WFDC9: variants seen among roughly 807,000 people sequenced by gnomAD.
WFDC9 encodes WAP four-disulfide core domain 9.
A neutral mutation model predicts 9.5 loss-of-function variants in WFDC9; 9 were observed. The observed-to-expected ratio is 0.95, with a 90% confidence interval of 0.57 to 1.65. The LOEUF is 1.65. WFDC9 is among the 40% of genes most tolerant of loss of function. The probability of loss-of-function intolerance (pLI) is 0.00; values close to 1 mark genes in which losing one functional copy is unlikely to be tolerated. For missense variants in WFDC9, 87 were observed against 106.7 expected, an observed-to-expected ratio of 0.82 and a Z score of 0.81; for synonymous variants, 33 against 32.3, an observed-to-expected ratio of 1.02 and a Z score of -0.07.
chr20:45,609,193 T>A (rs1266656682), intron 3 of WFDC9, among the ~76,000 whole-genome samples: 2 of 151,622 alleles, frequency 1.3e-5, no homozygotes, highest in Non-Finnish European at 2.9e-5. Flanking sequence ...GAAACTTACT[T>A]TTTTTCCCCT....
intron 3 of WFDC9, 46 bp from the exon 4 acceptor site, chr20:45,608,856 C>A (rs1337516511): frequency 6.4e-7 from 1 of 1,553,626 alleles, no homozygotes; most frequent in Non-Finnish European, 8.7e-7. Flanking sequence ...ACAACTCAGA[C>A]AAGAAACCTT....
intron 1 of WFDC9, among the ~76,000 whole-genome samples, chr20:45,623,553 G>A (rs1982147549): frequency 6.6e-6 from 1 of 151,962 alleles, no homozygotes; most frequent in Non-Finnish European, 1.5e-5. Flanking sequence ...CTTTAACTCA[G>A]GGGGCGGAGG....
intron 2 of WFDC9, among the ~76,000 whole-genome samples, chr20:45,613,547 C>T (rs1481482515): frequency 6.6e-6 from 1 of 152,180 alleles, no homozygotes; most frequent in Non-Finnish European, 1.5e-5. Flanking sequence ...AAAGCAGCAA[C>T]ATCTTAGCTT....
chr20:45,608,811 C>T lies in WFDC9; in HGVS notation c.92-1G>A, dbSNP rs765606139. Reference sequence around the variant, plus strand: ...TCAGTTTCTCTTATCATATCTAGAACTGAGATGGAAGAAGTTAGCAGGGTC... The same window carrying T: ...TCAGTTTCTCTTATCATATCTAGAATTGAGATGGAAGAAGTTAGCAGGGTC... On this transcript the variant is annotated splice_acceptor_variant, in intron 3 of 4. Transcript: ENST00000326000. LOFTEE classifies it high-confidence loss of function. The T allele has an allele frequency of 1.2e-6, 2 of 1,608,692 alleles. No homozygotes were observed. Among genetic ancestry groups the T allele is most frequent in the Non-Finnish European group, 1.7e-6 (2 of 1,177,802 alleles).
At position 45,614,651 on chromosome 20, in the gene WFDC9, G is replaced by A. The variant is rs1374687953; in HGVS notation, c.-82C>T. 6.6e-6 allele frequency: 1 copy of A among 152,208 alleles called. No individual in the cohort carries two copies. The highest frequency in any genetic ancestry group is 1.5e-5 in the Non-Finnish European group (1 of 68,030). 9.4% of individuals were successfully genotyped at this position (152,208 alleles called of 1,614,324 possible). On this transcript the variant is annotated 5_prime_UTR_variant, in exon 2 of 5. Coordinates refer to ENST00000326000, the MANE Select transcript of WFDC9 (RefSeq NM_147198.4). ...ACCTCTGAAGGTGTCTGCATTGAGT[G>A]TCTGTAGTAACTGGCTGACAGCTCT... is the stretch of plus-strand genomic sequence containing the variant.
chr20:45,616,092 A>C (rs560861357), intron 1 of WFDC9, among the ~76,000 whole-genome samples: 2 of 152,326 alleles, frequency 1.3e-5, no homozygotes, highest in East Asian at 3.9e-4. Context: ...TGATCCTTTC[A>C]AGAAAGATTT....
At chr20:45,624,990 C>T (rs752716729) in intron 1 of WFDC9, among the ~76,000 whole-genome samples, 1 of 152,108 alleles carries the variant, frequency 6.6e-6, no homozygotes, top group Admixed American at 6.5e-5. Flanking sequence ...GGATATTAAT[C>T]CCCTGTCAAA....
In WFDC9 at chr20:45,621,079, CATCT is replaced by C. The variant is rs1413860739; in HGVS notation, c.-152-6362_-152-6359del. 2.0e-4 allele frequency among the ~76,000 whole-genome samples: 30 copies of C among 152,252 alleles called. No individual in the cohort carries two copies. The East Asian group carries it at 5.8e-3, about 29-fold the overall frequency. ...ATTTGTTTTTATTTCTCTCTTCAGA[CATCT>C]ATTGGATGAATGAAATATCTTCTAC... is the stretch of plus-strand genomic sequence containing the variant. On this transcript the variant is annotated intron_variant, in intron 1 of 4. Coordinates refer to ENST00000326000, the MANE Select transcript of WFDC9 (RefSeq NM_147198.4).
chr20:45,623,956 G>T (rs1031204664), intron 1 of WFDC9, among the ~76,000 whole-genome samples: 4 of 152,132 alleles, frequency 2.6e-5, no homozygotes, highest in African/African-American at 4.8e-5. Flanking sequence ...ACATTGGGAG[G>T]CTGAGGCAGG....
intron 2 of WFDC9, among the ~76,000 whole-genome samples, chr20:45,612,293 CAG>C (rs980463454): frequency 4.0e-5 from 6 of 151,458 alleles, no homozygotes; most frequent in African/African-American, 1.2e-4. Flanking sequence ...TGGAGGGAGA[CAG>C]GGGGAGTTCA....
chr20:45,615,879 C>T (rs1380885814), intron 1 of WFDC9, among the ~76,000 whole-genome samples: 1 of 151,260 alleles, frequency 6.6e-6, no homozygotes, highest in Non-Finnish European at 1.5e-5. Context: ...AAATAATGTG[C>T]ATACCATAAT....
At chr20:45,617,645 C>A (rs771235773) in intron 1 of WFDC9, among the ~76,000 whole-genome samples, 36 of 152,248 alleles carry the variant, frequency 2.4e-4, no homozygotes, top group Middle Eastern at 3.4e-3. Flanking sequence ...CAGACACACA[C>A]CACCATGCCT....
chr20:45,630,987 A>C (rs1303748514), intron 1 of WFDC9: 2 of 1,605,712 alleles, frequency 1.2e-6, no homozygotes, highest in Non-Finnish European at 1.7e-6. Context: ...TGTTCTACCT[A>C]CTGTGGGAAT....
At chr20:45,622,867 T>C (rs915435883) in intron 1 of WFDC9, among the ~76,000 whole-genome samples, 5 of 152,202 alleles carry the variant, frequency 3.3e-5, no homozygotes, top group Non-Finnish European at 7.3e-5. Context: ...CACTGCTAGG[T>C]TTGATTTGAA....
rs147303713 is a variant in WFDC9 at position 45,622,307 on chromosome 20, G to A, written c.-152-7586C>T. On this transcript the variant is annotated intron_variant, in intron 1 of 4. Transcript: ENST00000326000. ...AATATTTTAAAATTTATTTGTATTT[G>A]ATGTTCCTACATTTTATAATGTGGC... 4.0e-3 allele frequency among the ~76,000 whole-genome samples: 604 copies of A among 152,088 alleles called. 4 individuals are homozygous for A. The highest frequency in any genetic ancestry group is 0.013 in the African/African-American group (560 of 41,500).
At chr20:45,617,696 C>T (rs985379449) in intron 1 of WFDC9, among the ~76,000 whole-genome samples, 4 of 152,070 alleles carry the variant, frequency 2.6e-5, no homozygotes, top group African/African-American at 7.2e-5. Context: ...ACTATGTTCC[C>T]CAGGCTGGTC....
intron 1 of WFDC9, among the ~76,000 whole-genome samples, chr20:45,629,102 T>C (rs1359462295): frequency 6.6e-6 from 1 of 152,190 alleles, no homozygotes; most frequent in East Asian, 1.9e-4. Flanking sequence ...TTTCTGTGTG[T>C]TTATGTGTGT....
intron 2 of WFDC9, among the ~76,000 whole-genome samples, chr20:45,610,504 CAA>C (rs928368710): frequency 2.6e-5 from 4 of 152,114 alleles, no homozygotes; most frequent in South Asian, 2.1e-4. Flanking sequence ...ATTAAAAATA[CAA>C]AGAGGAAATA....
intron 1 of WFDC9, chr20:45,630,837 T>C: frequency 6.4e-7 from 1 of 1,551,058 alleles, no homozygotes; most frequent in Non-Finnish European, 8.7e-7. Context: ...TCTAGGAAAC[T>C]GCGTTTATTT....
Sources: allele counts gnomAD v4.1 joint callset (sites outside exome capture counted in the v4.1 genomes callset), GRCh38; gene constraint gnomAD v4.1.1; transcripts MANE v1.5; gene names NCBI Gene and HGNC (gene_info 2026-07-23, HGNC 2026-07-21).